Variants in CHCHD6 observed in about 807,000 individuals in gnomAD.
The protein encoded by CHCHD6 is coiled-coil-helix-coiled-coil-helix domain containing 6, also known as MICOS complex subunit MIC25.
CHCHD6 carries 28 observed loss-of-function variants against 32.3 expected under a neutral mutation model. That is an observed-to-expected ratio of 0.87 (90% CI 0.64 to 1.19). The LOEUF is 1.19. Ranked by LOEUF, CHCHD6 falls within the 50% of genes most tolerant of loss-of-function variation. CHCHD6 has a pLI of 0.00. For synonymous variants in CHCHD6, 122 were observed against 117.5 expected (o/e 1.04, Z -0.25); for missense variants, 333 against 307.0 (o/e 1.08, Z -0.63).
At chr3:126,895,368 C>A (rs890935851) in intron 5 of CHCHD6, among the ~76,000 whole-genome samples, 1 of 152,178 alleles carries the variant, frequency 6.6e-6, no homozygotes, top group Non-Finnish European at 1.5e-5. Context: ...TAGGAATGAC[C>A]ATTACCGGCT....
chr3:126,755,686 G>C (rs1269766779), intron 4 of CHCHD6, among the ~76,000 whole-genome samples: 1 of 152,122 alleles, frequency 6.6e-6, no homozygotes, highest in African/African-American at 2.4e-5. Flanking sequence ...GATACCAGTA[G>C]CTCCCCTTTT....
chr3:126,709,351 T>C (rs1934647163), intron 1 of CHCHD6, among the ~76,000 whole-genome samples: 1 of 152,248 alleles, frequency 6.6e-6, no homozygotes, highest in Non-Finnish European at 1.5e-5. Flanking sequence ...TGTATGTATA[T>C]ACTGCATTTG....
intron 1 of CHCHD6, among the ~76,000 whole-genome samples, chr3:126,706,818 C>T (rs951739): frequency 0.18 from 27,515 of 152,020 alleles, 2,730 homozygotes; most frequent in South Asian, 0.35. Context: ...ATCAACAAAA[C>T]AGTTGCCAAA....
intron 4 of CHCHD6, among the ~76,000 whole-genome samples, chr3:126,788,658 G>C (rs1211654954): frequency 6.6e-6 from 1 of 152,162 alleles, no homozygotes; most frequent in Non-Finnish European, 1.5e-5. Flanking sequence ...ATTTCTGTGA[G>C]ATCAGTGGTG....
At chr3:126,848,115 C>T (rs1478114032) in intron 4 of CHCHD6, among the ~76,000 whole-genome samples, 1 of 152,182 alleles carries the variant, frequency 6.6e-6, no homozygotes, top group African/African-American at 2.4e-5. Context: ...AAGTAGCGGG[C>T]ATGTGCCACC....
chr3:126,875,967 T>C (rs981974376), intron 5 of CHCHD6, among the ~76,000 whole-genome samples: 2 of 152,222 alleles, frequency 1.3e-5, no homozygotes, highest in African/African-American at 2.4e-5. Context: ...TTTTTTGATA[T>C]GCTAATGGCA....
intron 4 of CHCHD6, among the ~76,000 whole-genome samples, chr3:126,738,364 G>T (rs1034964247): frequency 4.1e-4 from 62 of 152,236 alleles, no homozygotes; most frequent in Middle Eastern, 3.4e-3. Context: ...AATACCCCGT[G>T]GCCGACTGTA....
At chr3:126,764,939 G>A (rs1382276170) in intron 4 of CHCHD6, among the ~76,000 whole-genome samples, 3 of 152,194 alleles carry the variant, frequency 2.0e-5, no homozygotes, top group African/African-American at 7.2e-5. Context: ...AAGTCTTAGA[G>A]AGATGCAGGC....
chr3:126,752,244 T>C (rs1308833843), intron 4 of CHCHD6, among the ~76,000 whole-genome samples: 4 of 152,198 alleles, frequency 2.6e-5, no homozygotes. Context: ...CACTGGTCCC[T>C]GGGAAACGGT....
chr3:126,871,684 G>A (rs1316607232), intron 5 of CHCHD6, among the ~76,000 whole-genome samples: 1 of 20,714 alleles, frequency 4.8e-5, no homozygotes, highest in South Asian at 1.3e-3. Context: ...TTTTTTTTTT[G>A]AGTCGGCGTC....
Position 126,839,282 on chromosome 3 carries a change from G to A in CHCHD6, c.412-13365G>A, listed in dbSNP as rs530342199. Among the ~76,000 whole-genome samples the A allele has an allele frequency of 4.6e-4, 70 of 152,206 alleles. 1 individual carries two copies. The highest frequency in any genetic ancestry group is 1.7e-3 in the African/African-American group (69 of 41,522). Reference sequence around the variant, plus strand: ...TAGCCTCCAGCCTCCAGGAATTTATGGTTTAGGAAGAGTACAAGCAGGTAA... The same window carrying A: ...TAGCCTCCAGCCTCCAGGAATTTATAGTTTAGGAAGAGTACAAGCAGGTAA... On this transcript the variant is annotated intron_variant, in intron 4 of 7. Coordinates refer to ENST00000290913, the MANE Select transcript of CHCHD6 (RefSeq NM_032343.3).
At chr3:126,796,667 A>G (rs928332967) in intron 4 of CHCHD6, among the ~76,000 whole-genome samples, 8 of 152,140 alleles carry the variant, frequency 5.3e-5, no homozygotes, top group Non-Finnish European at 1.5e-5. Flanking sequence ...TCCTGGGGTT[A>G]GGACTGTGTG....
In CHCHD6 at chr3:126,950,904, T is replaced by C. The variant is rs561737100; in HGVS notation, c.567-6512T>C. ...GGGAGTGATGCAGAAAGCATTGTTG[T>C]TGATGGGAAGGAAAGGTCATATGGA... On this transcript the variant is annotated intron_variant, in intron 6 of 7. Transcript: ENST00000290913. Among the ~76,000 whole-genome samples the C allele has an allele frequency of 2.6e-5, 4 of 152,324 alleles. No individual in the cohort carries two copies. In the East Asian group the frequency reaches 5.8e-4, roughly 22 times the overall value.
chr3:126,765,330 GAGGGTTCCAGGAA>G (rs1937323845), intron 4 of CHCHD6, among the ~76,000 whole-genome samples: 1 of 142,542 alleles, frequency 7.0e-6, no homozygotes, highest in Non-Finnish European at 1.6e-5. Flanking sequence ...CAGGTGAGAG[GAGGGTTCCAGGAA>G]AGGCACCTCA....
chr3:126,854,092 T>C (rs1251931538), intron 5 of CHCHD6, among the ~76,000 whole-genome samples: 3 of 152,214 alleles, frequency 2.0e-5, no homozygotes, highest in African/African-American at 7.2e-5. Flanking sequence ...AAATCTGTTT[T>C]CCTCTTGTCA....
At chr3:126,759,653 C>T (rs770073650) in intron 4 of CHCHD6, among the ~76,000 whole-genome samples, 9 of 152,250 alleles carry the variant, frequency 5.9e-5, no homozygotes, top group African/African-American at 1.7e-4. Flanking sequence ...GTCAAATAGG[C>T]GCTACCGGGT....
intron 5 of CHCHD6, among the ~76,000 whole-genome samples, chr3:126,872,952 G>A (rs145525752): frequency 1.1e-4 from 17 of 152,360 alleles, no homozygotes; most frequent in Admixed American, 9.8e-4. Flanking sequence ...ACACAGGAGT[G>A]TACTTTTTTG....
chr3:126,728,049 C>T (rs914923197), intron 2 of CHCHD6, among the ~76,000 whole-genome samples: 1 of 151,962 alleles, frequency 6.6e-6, no homozygotes, highest in Non-Finnish European at 1.5e-5. Context: ...TAACCACCCA[C>T]TAGATTGTTC....
Position 126,786,654 on chromosome 3 carries a change from C to T in CHCHD6, c.411+53432C>T, listed in dbSNP as rs564863702. On this transcript the variant is annotated intron_variant, in intron 4 of 7. Coordinates refer to ENST00000290913, the MANE Select transcript of CHCHD6 (RefSeq NM_032343.3). ...TTGAGAAGTGTCTGTTCATATCCTT[C>T]GCCCACTTTTTGATGGGGTTGTTTT... Among the ~76,000 whole-genome samples, 1,247 of 152,020 alleles carry T rather than the reference C, an allele frequency of 8.2e-3. 9 individuals carry two copies. The highest frequency in any genetic ancestry group is 0.027 in the African/African-American group (1,115 of 41,446).
Sources: allele counts gnomAD v4.1 joint callset (sites outside exome capture counted in the v4.1 genomes callset), GRCh38; gene constraint gnomAD v4.1.1; transcripts MANE v1.5; gene names NCBI Gene and HGNC (gene_info 2026-07-23, HGNC 2026-07-21).